Variants in ADAMTSL1 observed in about 807,000 individuals in gnomAD.
ADAMTSL1 encodes ADAMTS like 1, also known as ADAMTS-like protein 1.
Under a neutral mutation model 201.8 loss-of-function variants are expected in ADAMTSL1, and 126 were observed. That is an observed-to-expected ratio of 0.62 (90% confidence interval 0.54 to 0.72). The LOEUF (loss-of-function observed/expected upper bound fraction) is 0.72, where lower values mean the gene tolerates loss of function less well. Ranked by LOEUF, ADAMTSL1 falls within the 30% of genes least tolerant of loss-of-function variation. ADAMTSL1 has a pLI of 0.00. For missense variants in ADAMTSL1, 2,679 were observed against 2,277.8 expected (o/e 1.18, Z -3.59); for synonymous variants, 1,121 against 903.4 (o/e 1.24, Z -4.32).
intron 20 of ADAMTSL1, among the ~76,000 whole-genome samples, chr9:18,814,428 C>A (rs748410873): frequency 6.6e-6 from 1 of 152,138 alleles, no homozygotes; most frequent in Non-Finnish European, 1.5e-5. Flanking sequence ...AATAAAAAGA[C>A]AATCTACAGA....
At chr9:18,111,160 C>A (rs1824989387) in intron 1 of ADAMTSL1, among the ~76,000 whole-genome samples, 2 of 152,144 alleles carry the variant, frequency 1.3e-5, no homozygotes, top group Admixed American at 1.3e-4. Flanking sequence ...AATTTTCTCC[C>A]TCTTGGGTCA....
intron 2 of ADAMTSL1, among the ~76,000 whole-genome samples, chr9:18,238,153 G>T (rs1186203518): frequency 6.6e-6 from 1 of 152,184 alleles, no homozygotes. Flanking sequence ...TGGAGTAACT[G>T]CCATTGTGTT....
intron 13 of ADAMTSL1, among the ~76,000 whole-genome samples, chr9:18,694,380 A>G (rs1002241053): frequency 1.3e-5 from 2 of 152,094 alleles, no homozygotes; most frequent in African/African-American, 2.4e-5. Context: ...ACAGTCCAAA[A>G]TCTCATCTGA....
At chr9:18,430,127 T>C (rs1421293655) in intron 2 of ADAMTSL1, among the ~76,000 whole-genome samples, 2 of 152,050 alleles carry the variant, frequency 1.3e-5, no homozygotes, top group African/African-American at 4.8e-5. Flanking sequence ...TCTTAAAATT[T>C]TATATACACA....
At chr9:18,279,436 A>G (rs1220229384) in intron 2 of ADAMTSL1, among the ~76,000 whole-genome samples, 1 of 151,146 alleles carries the variant, frequency 6.6e-6, no homozygotes, top group Non-Finnish European at 1.5e-5. Context: ...CTAGTGATTT[A>G]TTTTTTCACT....
intron 2 of ADAMTSL1, among the ~76,000 whole-genome samples, chr9:18,311,121 G>A (rs894465575): frequency 6.6e-5 from 10 of 151,960 alleles, no homozygotes; most frequent in South Asian, 4.2e-4. Flanking sequence ...ACCAAACAGC[G>A]CATCTTCTCA....
At chr9:18,360,598 G>A (rs1263201604) in intron 2 of ADAMTSL1, 2 of 152,134 alleles carry the variant, frequency 1.3e-5, no homozygotes, top group Non-Finnish European at 2.9e-5. Flanking sequence ...CTGAGGGGAG[G>A]CTGTTACTGG....
At chr9:18,547,622 GTA>G (rs202105724) in intron 3 of ADAMTSL1, among the ~76,000 whole-genome samples, 2,038 of 117,282 alleles carry the variant, frequency 0.017, 120 homozygotes, top group African/African-American at 0.059. Context: ...AAGAGCGGCT[GTA>G]TATATATATA....
chr9:18,603,902 AG>A (rs1824833260), intron 4 of ADAMTSL1, among the ~76,000 whole-genome samples: 1 of 152,238 alleles, frequency 6.6e-6, no homozygotes, highest in South Asian at 2.1e-4. Context: ...CACAAAGAAA[AG>A]ACAGTACAGA....
intron 23 of ADAMTSL1, among the ~76,000 whole-genome samples, chr9:18,847,834 C>A (rs1013129524): frequency 6.6e-6 from 1 of 152,170 alleles, no homozygotes; most frequent in Non-Finnish European, 1.5e-5. Flanking sequence ...AGGCAGAGGG[C>A]AAGTTGTGTA....
intron 2 of ADAMTSL1, among the ~76,000 whole-genome samples, chr9:18,221,364 C>T (rs1352766482): frequency 6.6e-6 from 1 of 152,120 alleles, no homozygotes; most frequent in Admixed American, 6.5e-5. Context: ...AATACTCAGC[C>T]TTTATGTGTT....
intron 1 of ADAMTSL1, among the ~76,000 whole-genome samples, chr9:17,985,835 A>C (rs1401828591): frequency 6.6e-6 from 1 of 152,098 alleles, no homozygotes; most frequent in African/African-American, 2.4e-5. Flanking sequence ...TGTTAGTATG[A>C]ATTGTAGGCA....
chr9:18,798,692 T>C (rs970658559), intron 20 of ADAMTSL1, among the ~76,000 whole-genome samples: 3 of 152,154 alleles, frequency 2.0e-5, no homozygotes, highest in Non-Finnish European at 4.4e-5. Context: ...TGATGAATAT[T>C]TCACGTGGGC....
chr9:18,588,580 T>C (rs1272144903), intron 4 of ADAMTSL1, among the ~76,000 whole-genome samples: 2 of 152,060 alleles, frequency 1.3e-5, no homozygotes, highest in Non-Finnish European at 2.9e-5. Context: ...CTAGTAATTT[T>C]ACAATTTCAA....
At chr9:18,507,899 G>A (rs749144514) in intron 2 of ADAMTSL1, among the ~76,000 whole-genome samples, 11 of 152,088 alleles carry the variant, frequency 7.2e-5, no homozygotes, top group Non-Finnish European at 1.6e-4. Flanking sequence ...TCAAAATTCA[G>A]TTTGGCCAGG....
chr9:18,216,759 G>T (rs1474166712), intron 2 of ADAMTSL1, among the ~76,000 whole-genome samples: 1 of 148,984 alleles, frequency 6.7e-6, no homozygotes, highest in African/African-American at 2.5e-5. Flanking sequence ...CTTGGTGAAT[G>T]CTGACTCTAG....
At chr9:18,337,109 C>T (rs1296084892) in intron 2 of ADAMTSL1, among the ~76,000 whole-genome samples, 4 of 152,086 alleles carry the variant, frequency 2.6e-5, no homozygotes, top group Non-Finnish European at 5.9e-5. Flanking sequence ...GACTGGGAGA[C>T]ACAGACCCAC....
At chr9:18,757,920 G>A (rs1346031104) in intron 16 of ADAMTSL1, among the ~76,000 whole-genome samples, 1 of 152,186 alleles carries the variant, frequency 6.6e-6, no homozygotes, top group African/African-American at 2.4e-5. Flanking sequence ...TGCTGCTTTT[G>A]ATAATGAGAG....
chr9:18,162,586 A>G (rs532518719), intron 1 of ADAMTSL1, among the ~76,000 whole-genome samples: 1 of 152,006 alleles, frequency 6.6e-6, no homozygotes, highest in Non-Finnish European at 1.5e-5. Flanking sequence ...TGGATTGAGC[A>G]TCTTGATGAG....
Sources: allele counts gnomAD v4.1 joint callset (sites outside exome capture counted in the v4.1 genomes callset), GRCh38; gene constraint gnomAD v4.1.1; transcripts MANE v1.5; gene names NCBI Gene and HGNC (gene_info 2026-07-23, HGNC 2026-07-21).